LRRC4C: variants seen among roughly 807,000 people sequenced by gnomAD.
LRRC4C encodes the protein leucine-rich repeat-containing protein 4C.
LRRC4C carries 5 observed loss-of-function variants against 33.6 expected under a neutral mutation model. The ratio of observed to expected loss-of-function variants is 0.15; its 90% CI spans 0.08 to 0.31. The LOEUF is 0.31. Ranked by LOEUF, LRRC4C falls within the 10% of genes least tolerant of loss-of-function variation. The probability of loss-of-function intolerance (pLI) is 1.00; values close to 1 mark genes in which losing one functional copy is unlikely to be tolerated. For missense variants in LRRC4C, 560 were observed against 796.7 expected, an observed-to-expected ratio of 0.70 and a Z score of 3.58; for synonymous variants, 329 against 302.0, an observed-to-expected ratio of 1.09 and a Z score of -0.93.
chr11:40,414,801 G>C (rs942774445), intron 3 of LRRC4C, among the ~76,000 whole-genome samples: 9 of 151,800 alleles, frequency 5.9e-5, no homozygotes, highest in African/African-American at 1.9e-4. Context: ...AACCAGAAGA[G>C]GAGAAGAAGG....
At chr11:41,396,604 G>GT (rs1953826051) in intron 1 of LRRC4C, among the ~76,000 whole-genome samples, 2 of 151,964 alleles carry the variant, frequency 1.3e-5, no homozygotes, top group Admixed American at 6.6e-5. Flanking sequence ...GATATGGGTA[G>GT]TTTTTTAACT....
At chr11:40,341,998 C>G (rs1381282568) in intron 3 of LRRC4C, among the ~76,000 whole-genome samples, 1 of 142,180 alleles carries the variant, frequency 7.0e-6, no homozygotes. Context: ...GCACTTTTCT[C>G]AAAAAAAAAA....
intron 1 of LRRC4C, among the ~76,000 whole-genome samples, chr11:41,248,248 C>T (rs1948517567): frequency 1.3e-5 from 2 of 152,144 alleles, no homozygotes; most frequent in South Asian, 4.2e-4. Flanking sequence ...TCACTGCCTG[C>T]CAAATCCTGG....
At position 41,186,884 on chromosome 11, in the gene LRRC4C, CTT is replaced by C. The variant is rs561764591; in HGVS notation, c.-495-253163_-495-253162del. 1.2e-4 allele frequency among the ~76,000 whole-genome samples: 19 copies of C among 152,224 alleles called. No homozygotes were observed. The South Asian group carries it at 3.5e-3, about 28-fold the overall frequency. The stretch of plus-strand genomic sequence containing the variant: ...GCTTTAGCTTACTGTTTCTCAATCT[CTT>C]TTAAAATTCACAAAAGTAGTATTTT... On this transcript the variant is annotated intron_variant, in intron 1 of 6. Transcript: ENST00000528697.
At chr11:40,911,564 A>G (rs1472381496) in intron 2 of LRRC4C, among the ~76,000 whole-genome samples, 3 of 152,284 alleles carry the variant, frequency 2.0e-5, no homozygotes, top group African/African-American at 7.2e-5. Context: ...ATCATCAAAG[A>G]CCAAATGCAG....
At chr11:40,380,959 G>A (rs1413911627) in intron 3 of LRRC4C, among the ~76,000 whole-genome samples, 1 of 152,140 alleles carries the variant, frequency 6.6e-6, no homozygotes, top group Non-Finnish European at 1.5e-5. Context: ...CCGTGCATGC[G>A]AGTCTCTGTG....
At chr11:40,685,962 A>C (rs889302470) in intron 2 of LRRC4C, among the ~76,000 whole-genome samples, 5 of 152,034 alleles carry the variant, frequency 3.3e-5, no homozygotes, top group Admixed American at 3.3e-4. Context: ...CTTAACAGTC[A>C]TTAAAAAAAA....
chr11:40,465,395 G>A (rs1263050904), intron 3 of LRRC4C, among the ~76,000 whole-genome samples: 1 of 151,760 alleles, frequency 6.6e-6, no homozygotes, highest in African/African-American at 2.4e-5. Flanking sequence ...TGGACATAGG[G>A]CTACATTAAG....
intron 3 of LRRC4C, among the ~76,000 whole-genome samples, chr11:40,633,879 G>C (rs577182115): frequency 2.5e-4 from 38 of 152,270 alleles, no homozygotes; most frequent in African/African-American, 9.1e-4. Flanking sequence ...AAAAATCAAT[G>C]AAGTTATAAA....
At chr11:41,319,995 T>TA (rs575251048) in intron 1 of LRRC4C, among the ~76,000 whole-genome samples, 4 of 151,924 alleles carry the variant, frequency 2.6e-5, no homozygotes, top group African/African-American at 7.3e-5. Flanking sequence ...TAAAATCATT[T>TA]AAAAAAAAGA....
intron 1 of LRRC4C, among the ~76,000 whole-genome samples, chr11:41,359,301 A>C (rs1350657745): frequency 6.6e-6 from 1 of 152,192 alleles, no homozygotes; most frequent in African/African-American, 2.4e-5. Flanking sequence ...CAAACCAGTA[A>C]AATGTACAAT....
intron 3 of LRRC4C, among the ~76,000 whole-genome samples, chr11:40,368,516 C>T (rs933278330): frequency 3.9e-5 from 6 of 152,118 alleles, no homozygotes; most frequent in South Asian, 2.1e-4. Context: ...CTAGACAGTA[C>T]GTTTTATATG....
At chr11:40,376,145 TC>T (rs1948651486) in intron 3 of LRRC4C, among the ~76,000 whole-genome samples, 1 of 152,164 alleles carries the variant, frequency 6.6e-6, no homozygotes, top group Non-Finnish European at 1.5e-5. Flanking sequence ...GCTTTTCATA[TC>T]CATGTTCACA....
At chr11:40,167,238 C>T (rs1859670513) in intron 5 of LRRC4C, among the ~76,000 whole-genome samples, 1 of 152,080 alleles carries the variant, frequency 6.6e-6, no homozygotes, top group East Asian at 1.9e-4. Flanking sequence ...AAATACATAG[C>T]CTCTGTTTCG....
chr11:40,578,028 G>T (rs1055781498), intron 3 of LRRC4C, among the ~76,000 whole-genome samples: 9 of 149,622 alleles, frequency 6.0e-5, no homozygotes, highest in Non-Finnish European at 1.3e-4. Context: ...TAGAGACGGG[G>T]TTTCACCGTG....
At chr11:40,982,686 G>A (rs1168053465) in intron 1 of LRRC4C, among the ~76,000 whole-genome samples, 2 of 151,972 alleles carry the variant, frequency 1.3e-5, no homozygotes, top group Non-Finnish European at 2.9e-5. Flanking sequence ...TATAACTTAA[G>A]GGGTACATTT....
At chr11:41,440,040 C>A (rs184575568) in intron 1 of LRRC4C, among the ~76,000 whole-genome samples, 9 of 152,188 alleles carry the variant, frequency 5.9e-5, no homozygotes, top group Admixed American at 5.2e-4. Flanking sequence ...TTTTTGCAGC[C>A]TTAGTCGTAA....
At chr11:40,767,470 T>G (rs547443921) in intron 2 of LRRC4C, among the ~76,000 whole-genome samples, 3 of 151,948 alleles carry the variant, frequency 2.0e-5, no homozygotes, top group African/African-American at 7.2e-5. Context: ...ATAGACCAAA[T>G]GAAACTAAAA....
Position 40,913,870 on chromosome 11 carries a change from C to G in LRRC4C, c.-407+19765G>C, listed in dbSNP as rs570309028. ...ATAAAAAATGATAAAGGGGATATCA[C>G]CACCGATCCCACAGAAACACAAACT... On this transcript the variant is annotated intron_variant, in intron 2 of 6. Coordinates refer to ENST00000528697, the MANE Select transcript of LRRC4C (RefSeq NM_001258419.2). 3.3e-5 allele frequency among the ~76,000 whole-genome samples: 5 copies of G among 152,218 alleles called. No individual in the cohort carries two copies. In the East Asian group the frequency reaches 9.6e-4, roughly 29 times the overall value.
Sources: gnomAD v4.1 joint callset for allele counts (sites outside exome capture counted in the v4.1 genomes callset) on GRCh38, gnomAD v4.1.1 for gene constraint, MANE v1.5 for transcripts, NCBI Gene and HGNC (gene_info 2026-07-23, HGNC 2026-07-21) for gene names.